Variants in ZNF581 observed in about 807,000 individuals in gnomAD.
The protein encoded by ZNF581 is zinc finger protein 581.
A neutral mutation model predicts 1.2 loss-of-function variants in ZNF581; 1 was observed. That is an observed-to-expected ratio of 0.83 (90% confidence interval 0.30 to 3.95). The LOEUF is 3.95. ZNF581 is among the 30% of genes most tolerant of loss of function. The pLI, the probability that ZNF581 is intolerant of heterozygous loss-of-function variation, is 0.18. For synonymous variants in ZNF581, 105 were observed against 109.2 expected (o/e 0.96, Z 0.24); for missense variants, 273 against 274.6 (o/e 0.99, Z 0.04).
chr19:55,641,569 A>C (rs1376240692), upstream of ZNF581, among the ~76,000 whole-genome samples: 3 of 152,070 alleles, frequency 2.0e-5, no homozygotes, highest in Admixed American at 2.0e-4. Context: ...AAAGGAGGGG[A>C]AAGTGGGCTT....
At chr19:55,640,188 G>A, upstream of ZNF581, 1 of 985,474 alleles carries the variant, frequency 1.0e-6, no homozygotes. Flanking sequence ...GTGGCTGGAG[G>A]AGGAGCTGCA....
rs1982781440 is a variant in ZNF581, at chr19:55,645,197, G to A, written c.*32G>A. 2 of 1,502,048 alleles carry A rather than the reference G, an allele frequency of 1.3e-6. No homozygotes were observed. The highest frequency in any genetic ancestry group is 1.4e-5 in the African/African-American group (1 of 71,536). The allele number at this position is 1,502,048 out of a possible 1,614,324, so 93.0% of individuals were successfully genotyped here. Reference sequence around the variant, plus strand: ...CTGCCGGGTGCCCCAGGTACCACAGGACTTTGCAGGGAGCCTGGACTCCTG... The same window carrying A: ...CTGCCGGGTGCCCCAGGTACCACAGAACTTTGCAGGGAGCCTGGACTCCTG... On this transcript the variant is annotated 3_prime_UTR_variant, in exon 2 of 2. Transcript: ENST00000270451.
chr19:55,639,193 TG>T (rs1982288939), upstream of ZNF581, among the ~76,000 whole-genome samples: 1 of 151,456 alleles, frequency 6.6e-6, no homozygotes. Flanking sequence ...TGTCACAACT[TG>T]GGGTTGGGGG....
upstream of ZNF581, chr19:55,642,159 T>C (rs1258478024): frequency 9.5e-7 from 1 of 1,050,988 alleles, no homozygotes; most frequent in Non-Finnish European, 1.1e-6. Context: ...GTAAACAGAT[T>C]TAGGGATTGA....
At chr19:55,638,391 A>C (rs961293535), upstream of ZNF581, among the ~76,000 whole-genome samples, 3 of 152,122 alleles carry the variant, frequency 2.0e-5, no homozygotes, top group Non-Finnish European at 4.4e-5. Context: ...GGCGCCTGCC[A>C]CCACGCCCAG....
upstream of ZNF581, chr19:55,642,564 T>G (rs765559650): frequency 1.4e-6 from 2 of 1,457,178 alleles, no homozygotes; most frequent in Admixed American, 2.7e-5. Flanking sequence ...CCGGAGGCCA[T>G]GGACCCACCG....
At chr19:55,641,208 G>C (rs1022530924), upstream of ZNF581, 1 of 984,466 alleles carries the variant, frequency 1.0e-6, no homozygotes, top group Non-Finnish European at 1.2e-6. Context: ...ATGGAGGGAG[G>C]AGCCTGGCCC....
At chr19:55,635,031 T>C (rs1982016132), upstream of ZNF581, 1 of 152,048 alleles carries the variant, frequency 6.6e-6, no homozygotes, top group Non-Finnish European at 1.5e-5. Context: ...CGTGAAAGTT[T>C]GCTGCGTAGG....
intron 1 of ZNF581, chr19:55,635,730 G>A (rs1392435070): frequency 1.0e-6 from 1 of 988,126 alleles, no homozygotes; most frequent in East Asian, 1.1e-4. Context: ...GAGGGCAAGG[G>A]TGGGAAAGGT....
chr19:55,642,555 C>G (rs754712305), upstream of ZNF581: 1 of 1,458,110 alleles, frequency 6.9e-7, no homozygotes, highest in African/African-American at 1.5e-5. Context: ...TCCTCCTCTC[C>G]GGAGGCCATG....
upstream of ZNF581, chr19:55,635,342 C>T (rs892491261): frequency 1.3e-5 from 2 of 152,200 alleles, no homozygotes; most frequent in African/African-American, 4.8e-5. Context: ...GGGCTATTTC[C>T]CATGGGAAGA....
chr19:55,635,785 G>A (rs1306893258), intron 1 of ZNF581: 1 of 918,652 alleles, frequency 1.1e-6, no homozygotes, highest in Admixed American at 6.2e-5. Context: ...AGGCTGAGGG[G>A]GTTATACTAT....
At chr19:55,639,809 G>A (rs1293419196), upstream of ZNF581, among the ~76,000 whole-genome samples, 1 of 152,126 alleles carries the variant, frequency 6.6e-6, no homozygotes, top group African/African-American at 2.4e-5. Flanking sequence ...TAGAGAAGGA[G>A]TTTCACCATG....
upstream of ZNF581, chr19:55,642,070 G>A: frequency 2.0e-6 from 2 of 988,510 alleles, no homozygotes; most frequent in South Asian, 4.7e-5. Flanking sequence ...AACTGGGGCT[G>A]GGCAACAGGA....
At chr19:55,639,022 AAAG>A (rs1420986506), upstream of ZNF581, among the ~76,000 whole-genome samples, 9 of 150,426 alleles carry the variant, frequency 6.0e-5, no homozygotes, top group East Asian at 1.2e-3. Context: ...AAAAAAAAAA[AAAG>A]AAAAAAAAAA....
At chr19:55,643,113 C>CTGT, upstream of ZNF581, 1 of 1,305,876 alleles carries the variant, frequency 7.7e-7, no homozygotes, top group Non-Finnish European at 9.8e-7. Context: ...ACACACACCC[C>CTGT]CTGGCTCTGC....
Position 55,644,539 on chromosome 19 carries a change from C to G in ZNF581, c.-19-14C>G. 6.7e-7 allele frequency: 1 copy of G among 1,497,954 alleles called. No homozygotes were observed. Among genetic ancestry groups the G allele is most frequent in the Non-Finnish European group, 9.0e-7 (1 of 1,110,626 alleles). 92.8% of individuals were successfully genotyped at this position (1,497,954 alleles called of 1,614,324 possible). On this transcript the variant is annotated splice_polypyrimidine_tract_variant and intron_variant, in intron 1 of 1. Transcript: ENST00000270451. The surrounding 1 kb of genome is among the most constrained non-coding windows in gnomAD (Gnocchi z 4.3). ...CTTCTATATAACCTTCTTATCCCATCTCCCATCCACCAGGCCTCAGCCAGC... is the reference window on the plus strand; with the variant it reads ...CTTCTATATAACCTTCTTATCCCATGTCCCATCCACCAGGCCTCAGCCAGC...
At chr19:55,640,764 G>A, upstream of ZNF581, 2 of 985,492 alleles carry the variant, frequency 2.0e-6, no homozygotes, top group Non-Finnish European at 2.4e-6. Context: ...ACCCTTGTGG[G>A]CCTTAGGGCG....
At chr19:55,638,197 T>TG (rs1308679318), upstream of ZNF581, among the ~76,000 whole-genome samples, 6 of 152,086 alleles carry the variant, frequency 3.9e-5, no homozygotes, top group Non-Finnish European at 5.9e-5. Context: ...TATCTCATGG[T>TG]GGGGGGAAAA....
Sources: gnomAD v4.1 joint callset for allele counts (sites outside exome capture counted in the v4.1 genomes callset) on GRCh38, gnomAD v4.1.1 for gene constraint, Gnocchi (gnomAD v3.1) non-coding constraint, MANE v1.5 for transcripts, NCBI Gene and HGNC (gene_info 2026-07-23, HGNC 2026-07-21) for gene names.